DMXL2: variants seen among roughly 807,000 people sequenced by gnomAD.
DMXL2 encodes Dmx like 2, also known as dmX-like protein 2.
A neutral mutation model predicts 331.1 loss-of-function variants in DMXL2; 103 were observed. The ratio of observed to expected loss-of-function variants is 0.31; its 90% CI spans 0.27 to 0.37. DMXL2 has a LOEUF of 0.37. DMXL2 is among the 10% of genes least tolerant of loss of function. The pLI, the probability that DMXL2 is intolerant of heterozygous loss-of-function variation, is 1.00. For missense variants in DMXL2, 3,171 were observed against 3,642.9 expected (o/e 0.87, Z 3.33); for synonymous variants, 1,281 against 1,252.1 (o/e 1.02, Z -0.49).
intron 6 of DMXL2, among the ~76,000 whole-genome samples, chr15:51,563,146 G>A (rs1259281183): frequency 2.0e-5 from 3 of 151,938 alleles, no homozygotes; most frequent in South Asian, 2.1e-4. Context: ...TTTTAAAAAC[G>A]CAAATAAGCC....
chr15:51,588,394 A>G (rs2052022754), intron 1 of DMXL2, among the ~76,000 whole-genome samples: 1 of 152,096 alleles, frequency 6.6e-6, no homozygotes. Context: ...CCTGGGCTCA[A>G]GTGATCTGGC....
At chr15:51,487,724 C>G (rs1274288602) in intron 22 of DMXL2, among the ~76,000 whole-genome samples, 1 of 152,208 alleles carries the variant, frequency 6.6e-6, no homozygotes, top group Non-Finnish European at 1.5e-5. Context: ...TCCCAAAGAG[C>G]TGGGATTACA....
At chr15:51,495,182 G>C in intron 18 of DMXL2, 48 bp from the exon 19 acceptor site, 1 of 1,165,128 alleles carries the variant, frequency 8.6e-7, no homozygotes, top group Admixed American at 1.8e-5. Context: ...AATGCAAGAG[G>C]CCACAAACTG....
intron 34 of DMXL2, among the ~76,000 whole-genome samples, 189 bp downstream of exon 34, chr15:51,459,409 C>A (rs908561925): frequency 6.6e-6 from 1 of 152,106 alleles, no homozygotes; most frequent in East Asian, 1.9e-4. Context: ...AAGAGAAGAA[C>A]CAAGGGCAAG....
chr15:51,453,937 G>A (rs750003345), intron 40 of DMXL2: 37 of 243,632 alleles, frequency 1.5e-4, no homozygotes, highest in Non-Finnish European at 2.7e-4. Flanking sequence ...CCTAAGACCC[G>A]TCAATTTTAG....
chr15:51,463,057 A>G (rs2040266605), intron 33 of DMXL2: 1 of 174,878 alleles, frequency 5.7e-6, no homozygotes, highest in Non-Finnish European at 1.2e-5. Context: ...TATTTGGAGA[A>G]TATTATAGAG....
chr15:51,529,086 A>T (rs534842263), intron 13 of DMXL2, among the ~76,000 whole-genome samples: 1 of 152,270 alleles, frequency 6.6e-6, no homozygotes, highest in East Asian at 1.9e-4. Flanking sequence ...GACATACCAA[A>T]ATCTATGGGA....
At position 51,518,616 on chromosome 15, in the gene DMXL2, T is replaced by C. The variant is rs75209107; in HGVS notation, c.2437-1449A>G. On this transcript the variant is annotated intron_variant, in intron 13 of 43. Coordinates refer to ENST00000560891, the MANE Select transcript of DMXL2 (RefSeq NM_001378457.1). The stretch of plus-strand genomic sequence containing the variant: ...AAGGACTGCTGTAGATCACTGGTTC[T>C]CAATCTTGGCTGCACACTGAATCAC... Among the ~76,000 whole-genome samples the C allele has an allele frequency of 3.9e-3, 597 of 152,336 alleles. 4 individuals are homozygous for C. The highest frequency in any genetic ancestry group is 0.014 in the African/African-American group (582 of 41,578).
At chr15:51,470,226 C>T (rs1036422543) in intron 29 of DMXL2, among the ~76,000 whole-genome samples, 4 of 152,084 alleles carry the variant, frequency 2.6e-5, no homozygotes, top group Admixed American at 2.6e-4. Context: ...ACGCTGACCT[C>T]CTGGACTCAA....
intron 14 of DMXL2, among the ~76,000 whole-genome samples, chr15:51,516,811 T>C (rs545637048): frequency 3.3e-5 from 5 of 152,154 alleles, no homozygotes; most frequent in Non-Finnish European, 7.3e-5. Context: ...CTCTTCTGAG[T>C]CTCTAAAGTC....
intron 34 of DMXL2, 115 bp from the exon 35 acceptor site, chr15:51,458,910 A>T: frequency 2.3e-6 from 2 of 872,788 alleles, no homozygotes; most frequent in Non-Finnish European, 3.6e-6. Flanking sequence ...CAGCAGCAGC[A>T]GCAGCAGCAA....
Position 51,498,916 on chromosome 15 carries a change from A to G in DMXL2, c.4308T>C (p.Ala1436=). The G allele has an allele frequency of 6.2e-7, 1 of 1,614,146 alleles. No individual in the cohort carries two copies. Among genetic ancestry groups the G allele is most frequent in the Non-Finnish European group, 8.5e-7 (1 of 1,180,038 alleles). Residue 1436 remains alanine (A), a synonymous_variant, in exon 18 of 44, where the codon GCT becomes GCC. Transcript: ENST00000560891. ...TTCTGTAGGATGTATCTTGATCTGC[A>G]GCAAGTAATGCATATAGTGGTAGTG... is the stretch of plus-strand genomic sequence containing the variant. ...IPPLPLYALL[A]ADQDTSYRIS...
At position 51,537,904 on chromosome 15, in the gene DMXL2, G is replaced by C. The variant is rs868123031; in HGVS notation, c.1346-145C>G. On this transcript the variant is annotated intron_variant, in intron 10 of 43. Coordinates refer to ENST00000560891, the MANE Select transcript of DMXL2 (RefSeq NM_001378457.1). ...AAAAAAACAAAGGAAACTTTTGTCT[G>C]AATTGAATGTTACTACAGTTACTAC... 9.8e-6 allele frequency: 10 copies of C among 1,023,866 alleles called. No individual in the cohort carries two copies. In the South Asian group the frequency reaches 1.8e-4, roughly 19 times the overall value. The allele number at this position is 1,023,866 out of a possible 1,614,324, so 63.4% of individuals were successfully genotyped here. A position where few individuals can be genotyped will look rare whatever the true frequency, so the allele number is the denominator to read the frequency against.
Position 51,449,205 on chromosome 15 carries a change from CA to C in DMXL2, c.8968-13del. The C allele has an allele frequency of 6.2e-7, 1 of 1,613,324 alleles. No individual in the cohort carries two copies. Among genetic ancestry groups the C allele is most frequent in the Non-Finnish European group, 8.5e-7 (1 of 1,179,682 alleles). ...GTCAATCTCCAAACCTAGTGCAAAA[CA>C]AAAGGAGTTAAAAATATATTACGAA... On this transcript the variant is annotated splice_polypyrimidine_tract_variant and intron_variant, in intron 43 of 43. Coordinates refer to ENST00000560891, the MANE Select transcript of DMXL2 (RefSeq NM_001378457.1).
chr15:51,604,262 A>G (rs2053424883), intron 1 of DMXL2, among the ~76,000 whole-genome samples: 2 of 133,132 alleles, frequency 1.5e-5, no homozygotes, highest in Non-Finnish European at 3.3e-5. Flanking sequence ...TCAGCCTTAT[A>G]AAGGGCATCT....
intron 5 of DMXL2, 40 bp downstream of exon 5, chr15:51,564,085 C>T: frequency 6.5e-7 from 1 of 1,549,504 alleles, no homozygotes; most frequent in South Asian, 1.3e-5. Flanking sequence ...GAAGCACTTG[C>T]TTTTAATTAA....
At chr15:51,560,630 T>C (rs1596261744) in intron 6 of DMXL2, among the ~76,000 whole-genome samples, 2 of 148,468 alleles carry the variant, frequency 1.3e-5, no homozygotes, top group East Asian at 2.0e-4. Flanking sequence ...GACTGTGCCA[T>C]TGCACGCTAG....
chr15:51,454,949 A>G (rs2039494893), intron 40 of DMXL2, among the ~76,000 whole-genome samples: 1 of 152,206 alleles, frequency 6.6e-6, no homozygotes. Flanking sequence ...CTGTACTTCA[A>G]GGTGAAAAGC....
chr15:51,575,729 G>A (rs2050981618), intron 2 of DMXL2, among the ~76,000 whole-genome samples: 1 of 152,078 alleles, frequency 6.6e-6, no homozygotes, highest in African/African-American at 2.4e-5. Context: ...TATAAGGGGT[G>A]CTAGGTAGAG....
Sources: allele counts gnomAD v4.1 joint callset (sites outside exome capture counted in the v4.1 genomes callset), GRCh38; gene constraint gnomAD v4.1.1; transcripts MANE v1.5; gene names NCBI Gene and HGNC (gene_info 2026-07-23, HGNC 2026-07-21).